NDUFS1: variants seen among roughly 807,000 people sequenced by gnomAD.
NDUFS1 encodes the protein NADH:ubiquinone oxidoreductase core subunit S1.
Under a neutral mutation model 84.4 loss-of-function variants are expected in NDUFS1, and 61 were observed. That is an observed-to-expected ratio of 0.72 (90% confidence interval 0.59 to 0.89). NDUFS1 has a LOEUF of 0.89. Among genes scored for constraint, NDUFS1 ranks in the 40% least tolerant of loss-of-function variants. The pLI is 0.00. For synonymous variants in NDUFS1, 275 were observed against 290.0 expected, an observed-to-expected ratio of 0.95 and a Z score of 0.53; for missense variants, 891 against 890.0, an observed-to-expected ratio of 1.00 and a Z score of -0.01.
chr2:206,129,914 A>G (rs1464015585), intron 15 of NDUFS1, among the ~76,000 whole-genome samples, 174 bp downstream of exon 15: 8 of 152,058 alleles, frequency 5.3e-5, no homozygotes, highest in Non-Finnish European at 8.8e-5. Context: ...TAAAAGCAGT[A>G]TCAATTATGT....
chr2:206,153,442 T>C (rs1247019555), intron 2 of NDUFS1, among the ~76,000 whole-genome samples, 176 bp downstream of exon 2: 1 of 152,140 alleles, frequency 6.6e-6, no homozygotes, highest in African/African-American at 2.4e-5. Flanking sequence ...GCAATCCACC[T>C]GCCTCAGCCT....
chr2:206,155,142 G>A (rs998075613), intron 1 of NDUFS1, among the ~76,000 whole-genome samples: 10 of 150,072 alleles, frequency 6.7e-5, no homozygotes, highest in South Asian at 2.1e-4. Flanking sequence ...TTATTGAGAC[G>A]GAGTCCCGCT....
intron 5 of NDUFS1, 123 bp downstream of exon 5, chr2:206,148,897 G>C (rs1692260918): frequency 1.4e-6 from 1 of 736,506 alleles, no homozygotes; most frequent in South Asian, 1.5e-5. Flanking sequence ...GCTCCTAGAA[G>C]CTGAGCACAC....
chr2:206,148,988 A>C, intron 5 of NDUFS1, 32 bp downstream of exon 5: 1 of 1,492,020 alleles, frequency 6.7e-7, no homozygotes, highest in Non-Finnish European at 9.3e-7. Context: ...CTGCTTTATG[A>C]AAGGGTACTA....
At chr2:206,136,220 T>A (rs1456156412) in intron 13 of NDUFS1, among the ~76,000 whole-genome samples, 1 of 142,904 alleles carries the variant, frequency 7.0e-6, no homozygotes, top group Non-Finnish European at 1.5e-5. Context: ...AATTTTTGTA[T>A]TTTTTTTTTT....
intron 9 of NDUFS1, 59 bp from the exon 10 acceptor site, chr2:206,144,191 A>C: frequency 2.4e-6 from 3 of 1,276,500 alleles, no homozygotes; most frequent in Non-Finnish European, 3.4e-6. Flanking sequence ...TATAATTTTC[A>C]AGTTAAATCA....
At chr2:206,135,101 C>T (rs917130658) in intron 13 of NDUFS1, among the ~76,000 whole-genome samples, 2 of 152,034 alleles carry the variant, frequency 1.3e-5, no homozygotes, top group African/African-American at 4.8e-5. Context: ...TCACTGTGAC[C>T]TCCACCTCCC....
In NDUFS1 at chr2:206,116,342, T is replaced by C. The variant is rs1238645977; in HGVS notation, c.*7843A>G. The C allele has an allele frequency of 1.9e-5, 17 of 883,138 alleles. No homozygotes were observed. The highest frequency in any genetic ancestry group is 3.3e-5 in the Non-Finnish European group (17 of 514,030). The allele number at this position is 883,138 out of a possible 1,614,324, so 54.7% of individuals were successfully genotyped here. ...ACTCTCCAAAGCACCAAACTCATCT[T>C]GTTTGTTCAATTTTGTCCCAACTTC... On this transcript the variant is annotated 3_prime_UTR_variant, in exon 19 of 19. Coordinates refer to ENST00000233190, the MANE Select transcript of NDUFS1 (RefSeq NM_005006.7).
chr2:206,138,645 ATAAC>A (rs1341494347), intron 12 of NDUFS1, 31 bp from the exon 13 acceptor site: 7 of 1,610,772 alleles, frequency 4.3e-6, no homozygotes, highest in Non-Finnish European at 5.1e-6. Flanking sequence ...TAAGAAGTAA[ATAAC>A]TAAGCTAAGC....
In NDUFS1 at chr2:206,118,339, T is replaced by C. The variant is rs1460207806; in HGVS notation, c.*5846A>G. 1 of 152,192 alleles carries C rather than the reference T, an allele frequency of 6.6e-6. No individual in the cohort carries two copies. The highest frequency in any genetic ancestry group is 1.5e-5 in the Non-Finnish European group (1 of 68,034). The allele number at this position is 152,192 out of a possible 1,614,324, so 9.4% of individuals were successfully genotyped here. A position where few individuals can be genotyped will look rare whatever the true frequency, so the allele number is the denominator to read the frequency against. On this transcript the variant is annotated 3_prime_UTR_variant, in exon 19 of 19. Coordinates refer to ENST00000233190, the MANE Select transcript of NDUFS1 (RefSeq NM_005006.7). Reference sequence around the variant, plus strand: ...TAAAATATTGGTTATTTAAAACTTATTAGGGGCCGGGTACAGTGGCTCATG... The same window carrying C: ...TAAAATATTGGTTATTTAAAACTTACTAGGGGCCGGGTACAGTGGCTCATG...
Position 206,124,154 on chromosome 2 carries a change from C to T in NDUFS1, c.*31G>A. 3 of 1,420,916 alleles carry T rather than the reference C, an allele frequency of 2.1e-6. No homozygotes were observed. Among genetic ancestry groups the T allele is most frequent in the East Asian group, 2.3e-5 (1 of 43,954 alleles). 88.0% of individuals were successfully genotyped at this position (1,420,916 alleles called of 1,614,324 possible). A position where few individuals can be genotyped will look rare whatever the true frequency, so the allele number is the denominator to read the frequency against. On this transcript the variant is annotated 3_prime_UTR_variant, in exon 19 of 19. Transcript: ENST00000233190. The stretch of plus-strand genomic sequence containing the variant: ...TGCACTACAGTTGTCCATTAATTAT[C>T]TGCGGCAAAACTGGGATCCTAGTAG...
rs1307718293 is a variant in NDUFS1 at position 206,126,719 on chromosome 2, C to A, written c.2010G>T (p.Glu670Asp). The part of the protein sequence containing the change: ...EGANYFQQAN[E>D]LSKLVNQQLL... ...ATAGGCGAGCTGTTACCTTTGAGAG[C>A]TCATTTGCTTGCTGGAAGTAATTAG... The change falls in exon 17 of 19, where the codon GAG (glutamate) becomes GAT (aspartate). Residue 670 changes from glutamate to aspartate, a missense_variant. Physicochemically the swap from Glu to Asp is conservative, Grantham distance 45. Coordinates refer to ENST00000233190, the MANE Select transcript of NDUFS1 (RefSeq NM_005006.7). 1.2e-6 allele frequency: 2 copies of A among 1,613,984 alleles called. No individual in the cohort carries two copies. Among genetic ancestry groups the A allele is most frequent in the African/African-American group, 2.7e-5 (2 of 74,920 alleles).
chr2:206,146,685 G>A (rs1310021012), intron 8 of NDUFS1, among the ~76,000 whole-genome samples: 1 of 152,082 alleles, frequency 6.6e-6, no homozygotes. Flanking sequence ...TAATTTTGTG[G>A]TTGAGTACTT....
At chr2:206,154,858 C>T (rs1487932829) in intron 1 of NDUFS1, among the ~76,000 whole-genome samples, 1 of 151,156 alleles carries the variant, frequency 6.6e-6, no homozygotes, top group African/African-American at 2.4e-5. Flanking sequence ...CTCCTGACTT[C>T]ATGATCCGCC....
At chr2:206,134,385 A>T (rs1691629836) in intron 13 of NDUFS1, among the ~76,000 whole-genome samples, 3 of 152,082 alleles carry the variant, frequency 2.0e-5, no homozygotes, top group Admixed American at 1.3e-4. Context: ...TGTAATCGCA[A>T]CACTCTGGGA....
rs1260017038 is a variant in NDUFS1 at position 206,121,248 on chromosome 2, C to T, written c.*2937G>A. The T allele has an allele frequency of 6.6e-6, 1 of 152,200 alleles. No homozygotes were observed. The highest frequency in any genetic ancestry group is 2.4e-5 in the African/African-American group (1 of 41,428). 9.4% of individuals were successfully genotyped at this position (152,200 alleles called of 1,614,324 possible). On this transcript the variant is annotated 3_prime_UTR_variant, in exon 19 of 19. Coordinates refer to ENST00000233190, the MANE Select transcript of NDUFS1 (RefSeq NM_005006.7). ...TAGATTTTCTCATTGGTGATTCCTT[C>T]ACTGCTTAGAATGTCATGATTCCAC...
chr2:206,134,758 C>T (rs895756984), intron 13 of NDUFS1, among the ~76,000 whole-genome samples: 6 of 152,036 alleles, frequency 3.9e-5, no homozygotes, highest in African/African-American at 1.4e-4. Flanking sequence ...GGGAGAATTG[C>T]TTGAGGCCAG....
rs777641436 is a variant in NDUFS1 at position 206,115,882 on chromosome 2, A to G, written c.*8303T>C. On this transcript the variant is annotated 3_prime_UTR_variant, in exon 19 of 19. Coordinates refer to ENST00000233190, the MANE Select transcript of NDUFS1 (RefSeq NM_005006.7). ...TCATGGATAATTTCATGAATACTAG[A>G]GCCTAGTCTAAAAATCATAGGATGT... 3.2e-5 allele frequency: 18 copies of G among 555,094 alleles called. No individual in the cohort carries two copies. Among genetic ancestry groups the G allele is most frequent in the Non-Finnish European group, 5.2e-5 (16 of 306,216 alleles). 34.4% of individuals were successfully genotyped at this position (555,094 alleles called of 1,614,324 possible). A position where few individuals can be genotyped will look rare whatever the true frequency, so the allele number is the denominator to read the frequency against.
rs1307458667 is a variant in NDUFS1 at position 206,120,312 on chromosome 2, A to G, written c.*3873T>C. ...TATACATATTGGAAAATGTAGAAAC[A>G]GCTTTGGAACTGGGTAACAGGCAGA... On this transcript the variant is annotated 3_prime_UTR_variant, in exon 19 of 19. Coordinates refer to ENST00000233190, the MANE Select transcript of NDUFS1 (RefSeq NM_005006.7). 2 of 152,242 alleles carry G rather than the reference A, an allele frequency of 1.3e-5. No homozygotes were observed. Among genetic ancestry groups the G allele is most frequent in the Admixed American group, 6.5e-5 (1 of 15,270 alleles). 9.4% of individuals were successfully genotyped at this position (152,242 alleles called of 1,614,324 possible).
Sources: allele counts gnomAD v4.1 joint callset (sites outside exome capture counted in the v4.1 genomes callset), GRCh38; gene constraint gnomAD v4.1.1; transcripts MANE v1.5; gene names NCBI Gene and HGNC (gene_info 2026-07-23, HGNC 2026-07-21).